PARN: variants seen among roughly 807,000 people sequenced by gnomAD.
PARN encodes the protein poly(A)-specific ribonuclease.
A neutral mutation model predicts 102.8 loss-of-function variants in PARN; 71 were observed. That is an observed-to-expected ratio of 0.69 (90% CI 0.57 to 0.84). PARN has a LOEUF of 0.84. Among genes scored for constraint, PARN ranks in the 40% least tolerant of loss-of-function variants. PARN has a pLI of 0.00. For missense variants in PARN, 782 were observed against 760.9 expected, an observed-to-expected ratio of 1.03 and a Z score of -0.33; for synonymous variants, 261 against 252.9, an observed-to-expected ratio of 1.03 and a Z score of -0.30.
chr16:14,445,661 G>A (rs575538839), intron 23 of PARN, among the ~76,000 whole-genome samples: 1 of 152,272 alleles, frequency 6.6e-6, no homozygotes, highest in South Asian at 2.1e-4. Flanking sequence ...TCCCTGGGCT[G>A]AGGCAGTCCC....
At chr16:14,564,135 T>C (rs550681886) in intron 18 of PARN, among the ~76,000 whole-genome samples, 30 of 152,252 alleles carry the variant, frequency 2.0e-4, no homozygotes, top group Non-Finnish European at 4.1e-4. Context: ...GCTGTCTCCA[T>C]AGCCTCCCTG....
chr16:14,605,229 C>T (rs2151789251), intron 10 of PARN, among the ~76,000 whole-genome samples: 1 of 152,334 alleles, frequency 6.6e-6, no homozygotes, highest in East Asian at 1.9e-4. Context: ...CAGGCCTGAG[C>T]CACCATGCCC....
chr16:14,590,192 A>ATG (rs1970096840), intron 13 of PARN, among the ~76,000 whole-genome samples: 1 of 126,492 alleles, frequency 7.9e-6, no homozygotes, highest in Non-Finnish European at 1.6e-5. Flanking sequence ...CCGAGATCGC[A>ATG]CCACTGCACT....
intron 23 of PARN, among the ~76,000 whole-genome samples, chr16:14,442,382 G>A (rs1287361401): frequency 6.6e-6 from 1 of 152,068 alleles, no homozygotes; most frequent in African/African-American, 2.4e-5. Flanking sequence ...TTTGCGTACC[G>A]AGTATGTACC....
chr16:14,626,124 CCT>C (rs1243439984), intron 5 of PARN, among the ~76,000 whole-genome samples: 1 of 152,096 alleles, frequency 6.6e-6, no homozygotes, highest in African/African-American at 2.4e-5. Flanking sequence ...TTTCTACCCC[CCT>C]TTCCTAATTA....
chr16:14,506,168 T>C (rs933429130), intron 21 of PARN, among the ~76,000 whole-genome samples: 7 of 152,146 alleles, frequency 4.6e-5, no homozygotes, highest in African/African-American at 1.4e-4. Flanking sequence ...ATCAGAAACA[T>C]ACACATTGAA....
chr16:14,532,524 T>TTCTTAGTACAGAGC (rs1966398614), intron 21 of PARN, among the ~76,000 whole-genome samples: 1 of 137,062 alleles, frequency 7.3e-6, no homozygotes, highest in African/African-American at 2.5e-5. Flanking sequence ...ATAAGAATTT[T>TTCTTAGTACAGAGC]TCTTAGTACA....
chr16:14,598,851 A>AGCTT (rs1280753025), intron 12 of PARN, among the ~76,000 whole-genome samples: 1 of 152,084 alleles, frequency 6.6e-6, no homozygotes, highest in Non-Finnish European at 1.5e-5. Flanking sequence ...ATGGCCTTAA[A>AGCTT]GCTTCCCTGA....
At chr16:14,582,475 G>C (rs1969593641) in intron 16 of PARN, among the ~76,000 whole-genome samples, 184 bp from the exon 17 acceptor site, 1 of 152,120 alleles carries the variant, frequency 6.6e-6, no homozygotes, top group African/African-American at 2.4e-5. Flanking sequence ...CTGAAAAGGA[G>C]GGCTTTGGTC....
intron 22 of PARN, 70 bp from the exon 23 acceptor site, chr16:14,447,151 TTTAATACTC>T: frequency 2.0e-6 from 2 of 996,746 alleles, no homozygotes; most frequent in Non-Finnish European, 2.9e-6. Flanking sequence ...ATAAAAATAT[TTTAATACTC>T]TTAATTCTAT....
At chr16:14,472,240 A>C (rs1287598355) in intron 22 of PARN, among the ~76,000 whole-genome samples, 2 of 152,148 alleles carry the variant, frequency 1.3e-5, no homozygotes, top group Admixed American at 1.3e-4. Context: ...TAATCATTCT[A>C]TTTTATTAGT....
At chr16:14,621,856 T>C (rs1162654206) in intron 5 of PARN, among the ~76,000 whole-genome samples, 1 of 151,064 alleles carries the variant, frequency 6.6e-6, no homozygotes, top group African/African-American at 2.4e-5. Flanking sequence ...TGGAGTTTAC[T>C]AGCCACTACC....
chr16:14,486,208 A>C (rs191584131), intron 21 of PARN, among the ~76,000 whole-genome samples: 431 of 152,214 alleles, frequency 2.8e-3, no homozygotes, highest in South Asian at 0.015. Context: ...CACAAAAAAA[A>C]CCACAAAAAT....
intron 21 of PARN, among the ~76,000 whole-genome samples, chr16:14,504,283 G>A (rs917592396): frequency 3.9e-5 from 6 of 152,172 alleles, no homozygotes; most frequent in Admixed American, 6.5e-5. Flanking sequence ...GAGGGAGGCC[G>A]GCACGGTGGC....
rs572955479 is a variant in PARN, at chr16:14,531,898, T to G, written c.1480+20123A>C. Among the ~76,000 whole-genome samples the G allele has an allele frequency of 6.2e-3, 639 of 103,440 alleles. 7 individuals carry two copies. Among genetic ancestry groups the G allele is most frequent in the African/African-American group, 0.018 (602 of 34,242 alleles). The allele number at this position is 103,440 out of a possible 152,430, so 67.9% of individuals were successfully genotyped here. On this transcript the variant is annotated intron_variant, in intron 21 of 23. Transcript: ENST00000437198. ...GCCAAGATAGCAAGATCCCATTTCT[T>G]TAAAAAAAAAAAAAAAAAGGCAGGC...
chr16:14,556,758 T>C (rs1456453768), intron 18 of PARN, among the ~76,000 whole-genome samples: 1 of 152,164 alleles, frequency 6.6e-6, no homozygotes, highest in East Asian at 1.9e-4. Flanking sequence ...ACCCTTACAA[T>C]GGGCATTTGT....
intron 13 of PARN, among the ~76,000 whole-genome samples, chr16:14,590,606 G>A (rs1433143034): frequency 7.0e-6 from 1 of 143,824 alleles, no homozygotes; most frequent in Admixed American, 7.2e-5. Flanking sequence ...CTGCACTCCA[G>A]CCTGGGCCAC....
chr16:14,523,343 G>A (rs1965837179), intron 21 of PARN, among the ~76,000 whole-genome samples: 1 of 151,970 alleles, frequency 6.6e-6, no homozygotes, highest in Non-Finnish European at 1.5e-5. Context: ...AGAAGATTGG[G>A]ACGTTTCTGA....
intron 18 of PARN, among the ~76,000 whole-genome samples, chr16:14,562,528 A>G (rs1968137475): frequency 6.6e-6 from 1 of 152,024 alleles, no homozygotes; most frequent in Admixed American, 6.6e-5. Flanking sequence ...GCAGTAACAT[A>G]AGCCTTCTAC....
Sources: allele counts gnomAD v4.1 joint callset (sites outside exome capture counted in the v4.1 genomes callset), GRCh38; gene constraint gnomAD v4.1.1; transcripts MANE v1.5; gene names NCBI Gene and HGNC (gene_info 2026-07-23, HGNC 2026-07-21).